Variants in GABRB3 observed in about 807,000 individuals in gnomAD.
The protein encoded by GABRB3 is gamma-aminobutyric acid type A receptor subunit beta3, also known as gamma-aminobutyric acid receptor subunit beta-3.
In GABRB3, 14 loss-of-function variants were observed where a neutral mutation model predicts 52.1. The ratio of observed to expected loss-of-function variants is 0.27; its 90% CI spans 0.18 to 0.42. The LOEUF is 0.42. Among genes scored for constraint, GABRB3 ranks in the 10% least tolerant of loss-of-function variants. The pLI is 1.00. For synonymous variants in GABRB3, 260 were observed against 232.3 expected, an observed-to-expected ratio of 1.12 and a Z score of -1.08; for missense variants, 307 against 609.1, an observed-to-expected ratio of 0.50 and a Z score of 5.22.
rs147465583 is a variant in GABRB3, at chr15:26,551,414, G to A, written c.1081-3280C>T. 5.2e-3 allele frequency among the ~76,000 whole-genome samples: 794 copies of A among 152,238 alleles called. 6 individuals carry two copies. The highest frequency in any genetic ancestry group is 0.018 in the African/African-American group (765 of 41,548). ...GAAGCCCGTGAATAACTGCTCCCTC[G>A]GCCACTGCAACATATCTTGAGGTTT... On this transcript the variant is annotated intron_variant, in intron 8 of 8. Transcript: ENST00000311550.
intron 3 of GABRB3, among the ~76,000 whole-genome samples, chr15:26,737,718 A>C: frequency 6.6e-6 from 1 of 152,174 alleles, no homozygotes; most frequent in East Asian, 1.9e-4. Context: ...GGATGTGGAC[A>C]GGGTACCACT....
At chr15:26,716,416 G>A (rs1019930751) in intron 3 of GABRB3, among the ~76,000 whole-genome samples, 4 of 152,228 alleles carry the variant, frequency 2.6e-5, no homozygotes, top group East Asian at 1.9e-4. Flanking sequence ...CAGCACATTC[G>A]AGTCCCTCAG....
At chr15:26,725,598 A>T (rs1889749444) in intron 3 of GABRB3, among the ~76,000 whole-genome samples, 1 of 152,186 alleles carries the variant, frequency 6.6e-6, no homozygotes, top group Non-Finnish European at 1.5e-5. Context: ...CAAACTTTTG[A>T]AAATGTTGCA....
upstream of GABRB3, chr15:26,773,581 C>G: frequency 2.2e-6 from 3 of 1,389,432 alleles, no homozygotes; most frequent in Non-Finnish European, 2.0e-6. Flanking sequence ...CGCCTCTGCC[C>G]GCCGGACTGC....
chr15:26,770,807 T>C (rs1331576095), intron 3 of GABRB3, among the ~76,000 whole-genome samples: 2 of 152,236 alleles, frequency 1.3e-5, no homozygotes, highest in African/African-American at 4.8e-5. Context: ...ACAGTGTGGA[T>C]CTTAAATGTA....
intron 3 of GABRB3, among the ~76,000 whole-genome samples, chr15:26,694,725 T>C (rs1273681075): frequency 6.6e-6 from 1 of 152,224 alleles, no homozygotes; most frequent in Non-Finnish European, 1.5e-5. Context: ...GAGTCAGATT[T>C]AGATACAGCA....
chr15:26,573,954 G>A (rs1386048206), intron 6 of GABRB3, among the ~76,000 whole-genome samples: 1 of 152,182 alleles, frequency 6.6e-6, no homozygotes, highest in Non-Finnish European at 1.5e-5. Flanking sequence ...AGGAGTCTGA[G>A]ATGAGAGGAT....
chr15:26,621,683 T>TGG lies in GABRB3; in HGVS notation c.241-151_241-150dup, dbSNP rs1892490674. 9.1e-6 allele frequency: 6 copies of TGG among 656,422 alleles called. No individual in the cohort carries two copies. The allele number at this position is 656,422 out of a possible 1,614,324, so 40.7% of individuals were successfully genotyped here. On this transcript the variant is annotated intron_variant, in intron 3 of 8. Coordinates refer to ENST00000311550, the MANE Select transcript of GABRB3 (RefSeq NM_000814.6). The surrounding 1 kb of genome is among the most constrained non-coding windows in gnomAD (Gnocchi z 4.1). ...CATTTTTATGCAGAATGGGAAGCAA[T>TGG]GGCTGCTTTCTTGTGAATGCAAATA...
chr15:26,606,050 C>A (rs1891778132), intron 4 of GABRB3, among the ~76,000 whole-genome samples: 1 of 150,528 alleles, frequency 6.6e-6, no homozygotes, highest in African/African-American at 2.5e-5. Flanking sequence ...CTTGAGAACT[C>A]ACTATCACGA....
chr15:26,573,614 A>C (rs771333260), intron 6 of GABRB3, among the ~76,000 whole-genome samples: 2 of 152,230 alleles, frequency 1.3e-5, no homozygotes, highest in African/African-American at 4.8e-5. Flanking sequence ...CAAGGCAAGA[A>C]CACCATAAGT....
At chr15:26,690,991 C>T (rs1812485730) in intron 3 of GABRB3, among the ~76,000 whole-genome samples, 1 of 151,638 alleles carries the variant, frequency 6.6e-6, no homozygotes, top group South Asian at 2.1e-4. Flanking sequence ...CCTCTTCTCC[C>T]CTCCCCACTC....
In GABRB3 at chr15:26,636,068, A is replaced by C. The variant is rs188334565; in HGVS notation, c.241-14534T>G. Among the ~76,000 whole-genome samples, 36 of 152,360 alleles carry C rather than the reference A, an allele frequency of 2.4e-4. No individual in the cohort carries two copies. In the East Asian group the frequency reaches 6.6e-3, roughly 28 times the overall value. ...GCATAAAGCAGCCCTTTCCTCTGGAATACTGTAATCAAAGCCCAGGTAGCC... is the reference window on the plus strand; with the variant it reads ...GCATAAAGCAGCCCTTTCCTCTGGACTACTGTAATCAAAGCCCAGGTAGCC... On this transcript the variant is annotated intron_variant, in intron 3 of 8. Transcript: ENST00000311550.
chr15:26,549,100 T>C (rs989360039), intron 8 of GABRB3, among the ~76,000 whole-genome samples: 9 of 152,202 alleles, frequency 5.9e-5, no homozygotes, highest in African/African-American at 1.9e-4. Flanking sequence ...GCCTACCCCG[T>C]GTTCCTGTAA....
rs79524521 is a variant in GABRB3 at position 26,621,076 on chromosome 15, TTA to T, written c.461+236_461+237del. ...TGTGTTCTTAGACATGGCAATCCAA[TTA>T]TATACAATTGATCCAAAGGTGGCTG... On this transcript the variant is annotated intron_variant, in intron 4 of 8. Coordinates refer to ENST00000311550, the MANE Select transcript of GABRB3 (RefSeq NM_000814.6). The surrounding 1 kb of genome is among the most constrained non-coding windows in gnomAD (Gnocchi z 4.1). 0.36 allele frequency among the ~76,000 whole-genome samples: 54,884 copies of T among 151,930 alleles called. 10,603 individuals are homozygous for T. The highest frequency in any genetic ancestry group is 0.47 in the Middle Eastern group (136 of 290).
At chr15:26,726,744 CT>C (rs1281193663) in intron 3 of GABRB3, among the ~76,000 whole-genome samples, 1 of 152,194 alleles carries the variant, frequency 6.6e-6, no homozygotes, top group Non-Finnish European at 1.5e-5. Flanking sequence ...ACTTTTACCA[CT>C]TGGTCAAGCT....
chr15:26,679,725 T>A (rs374388460), intron 3 of GABRB3, among the ~76,000 whole-genome samples: 1 of 151,944 alleles, frequency 6.6e-6, no homozygotes, highest in African/African-American at 2.4e-5. Flanking sequence ...GATGGGGGAA[T>A]CAGCCTGTCC....
At chr15:26,752,593 T>C (rs910832321) in intron 3 of GABRB3, among the ~76,000 whole-genome samples, 2 of 152,138 alleles carry the variant, frequency 1.3e-5, no homozygotes, top group African/African-American at 4.8e-5. Flanking sequence ...TTTTCATGTG[T>C]ATTCTTAATT....
chr15:26,573,764 A>T (rs1232835746), intron 6 of GABRB3, among the ~76,000 whole-genome samples: 4 of 152,222 alleles, frequency 2.6e-5, no homozygotes, highest in Non-Finnish European at 5.9e-5. Context: ...ATACATAAAG[A>T]ATGCGGCTGG....
intron 7 of GABRB3, among the ~76,000 whole-genome samples, chr15:26,566,368 T>C (rs886798607): frequency 1.3e-5 from 2 of 152,200 alleles, no homozygotes; most frequent in Admixed American, 1.3e-4. Flanking sequence ...TATACACACA[T>C]GTACTTACAT....
Sources: allele counts gnomAD v4.1 joint callset (sites outside exome capture counted in the v4.1 genomes callset), GRCh38; gene constraint gnomAD v4.1.1; non-coding constraint Gnocchi (gnomAD v3.1); transcripts MANE v1.5; gene names NCBI Gene and HGNC (gene_info 2026-07-23, HGNC 2026-07-21).